The following PTH2R variants were observed in gnomAD, a reference collection of about 807,000 sequenced individuals.
PTH2R encodes the protein PTH2 receptor.
Under a neutral mutation model 60.3 loss-of-function variants are expected in PTH2R, and 59 were observed. The observed-to-expected ratio is 0.98, with a 90% CI of 0.79 to 1.22. The LOEUF (loss-of-function observed/expected upper bound fraction) is 1.22, where lower values mean the gene tolerates loss of function less well. Ranked by LOEUF, PTH2R falls within the 50% of genes most tolerant of loss-of-function variation. The pLI, the probability that PTH2R is intolerant of heterozygous loss-of-function variation, is 0.00. For missense variants in PTH2R, 749 were observed against 682.6 expected (o/e 1.10, Z -1.08); for synonymous variants, 256 against 243.8 (o/e 1.05, Z -0.47).
At chr2:208,419,740 T>G (rs1701713498) in intron 1 of PTH2R, among the ~76,000 whole-genome samples, 1 of 152,220 alleles carries the variant, frequency 6.6e-6, no homozygotes, top group African/African-American at 2.4e-5. Flanking sequence ...TTTCTACATA[T>G]GGCTAGCCAG....
chr2:208,413,067 C>G (rs569881683), intron 1 of PTH2R, among the ~76,000 whole-genome samples: 2 of 152,050 alleles, frequency 1.3e-5, no homozygotes, highest in Non-Finnish European at 1.5e-5. Context: ...CCACCTCTTT[C>G]TCCATAATTT....
At chr2:208,487,344 A>T (rs1703295738) in intron 10 of PTH2R, among the ~76,000 whole-genome samples, 1 of 152,206 alleles carries the variant, frequency 6.6e-6, no homozygotes, top group Non-Finnish European at 1.5e-5. Context: ...ATTTCCAAGA[A>T]GAAAAACAGA....
At chr2:208,456,232 A>C (rs1254771916) in intron 8 of PTH2R, among the ~76,000 whole-genome samples, 1 of 151,482 alleles carries the variant, frequency 6.6e-6, no homozygotes, top group Non-Finnish European at 1.5e-5. Context: ...ACAGAGGGAG[A>C]CTCTGTCTCA....
At chr2:208,408,765 A>AGAGAGAGAGAGAGAGAGAGAGAGAGAGAG (rs58469801) in intron 1 of PTH2R, among the ~76,000 whole-genome samples, 8 of 150,786 alleles carry the variant, frequency 5.3e-5, no homozygotes, top group East Asian at 1.9e-4. Context: ...AGAGAGAGAG[A>AGAGAGAGAGAGAGAGAGAGAGAGAGAGAG]AATAAATAAT....
chr2:208,456,645 A>G (rs189040904), intron 8 of PTH2R, among the ~76,000 whole-genome samples: 2 of 152,274 alleles, frequency 1.3e-5, no homozygotes, highest in Admixed American at 6.5e-5. Context: ...GCAGAACAAC[A>G]CACCTGTTTT....
intron 10 of PTH2R, among the ~76,000 whole-genome samples, chr2:208,482,414 G>C (rs183945208): frequency 6.6e-6 from 1 of 152,274 alleles, no homozygotes; most frequent in East Asian, 1.9e-4. Context: ...GTGAGGGTGG[G>C]GTAGGTTAGT....
At chr2:208,444,143 C>G (rs1244692493) in intron 6 of PTH2R, among the ~76,000 whole-genome samples, 1 of 152,162 alleles carries the variant, frequency 6.6e-6, no homozygotes, top group Non-Finnish European at 1.5e-5. Flanking sequence ...GATTCTGATT[C>G]TGGGCTGGCA....
chr2:208,439,993 G>A (rs140618791), intron 4 of PTH2R, among the ~76,000 whole-genome samples: 8 of 152,230 alleles, frequency 5.3e-5, no homozygotes, highest in Middle Eastern at 3.4e-3. Context: ...TTAAATAAGC[G>A]CAAATATATG....
chr2:208,437,585 G>C lies in PTH2R; in HGVS notation c.227G>C (p.Gly76Ala), dbSNP rs1367714143. Residue 76 changes from glycine to alanine, a missense_variant, in exon 3 of 13, where the codon GGA becomes GCA. Coordinates refer to ENST00000272847, the MANE Select transcript of PTH2R (RefSeq NM_005048.4). Reference sequence around the variant, plus strand: ...GATGGACTCATTTGTTGGCCCAGAGGAACAGTGGGGAAAATATCGGCTGTT... The same window carrying C: ...GATGGACTCATTTGTTGGCCCAGAGCAACAGTGGGGAAAATATCGGCTGTT... Reference protein sequence around the residue: ...EWDGLICWPRGTVGKISAVPC... With the variant: ...EWDGLICWPRATVGKISAVPC... 2.5e-6 allele frequency: 4 copies of C among 1,613,686 alleles called. No individual in the cohort carries two copies. The Admixed American group carries it at 5.0e-5, about 20-fold the overall frequency.
intron 9 of PTH2R, among the ~76,000 whole-genome samples, chr2:208,479,984 C>G (rs1191309822): frequency 1.3e-5 from 2 of 152,150 alleles, no homozygotes; most frequent in Non-Finnish European, 2.9e-5. Context: ...TTTGATTTTC[C>G]CCCATGTGTG....
At chr2:208,463,899 A>G (rs1418390614) in intron 9 of PTH2R, among the ~76,000 whole-genome samples, 4 of 152,232 alleles carry the variant, frequency 2.6e-5, no homozygotes, top group Non-Finnish European at 4.4e-5. Context: ...CTGTTTGTGC[A>G]TAGGCACTTC....
chr2:208,458,191 G>A (rs1702553634), intron 8 of PTH2R, among the ~76,000 whole-genome samples: 1 of 152,102 alleles, frequency 6.6e-6, no homozygotes, highest in Non-Finnish European at 1.5e-5. Context: ...ATTGATGTCA[G>A]TTCAATCCAA....
intron 1 of PTH2R, among the ~76,000 whole-genome samples, chr2:208,372,070 C>T (rs1316041652): frequency 5.3e-5 from 8 of 151,894 alleles, no homozygotes; most frequent in African/African-American, 9.7e-5. Flanking sequence ...TACAGGTGCC[C>T]GCCACTACTC....
intron 12 of PTH2R, among the ~76,000 whole-genome samples, chr2:208,491,054 G>A (rs1416293747): frequency 2.6e-5 from 4 of 152,144 alleles, no homozygotes; most frequent in Admixed American, 1.3e-4. Flanking sequence ...ATATTTTGAT[G>A]TTTTTTGAAC....
In PTH2R at chr2:208,465,606, G is replaced by A. The variant is rs376818686; in HGVS notation, c.981+5645G>A. Reference sequence around the variant, plus strand: ...TTTAGTAGAGATGGGATTTCGCCACGTTGGCCAGGCTGGACTCAAACTCCC... The same window carrying A: ...TTTAGTAGAGATGGGATTTCGCCACATTGGCCAGGCTGGACTCAAACTCCC... On this transcript the variant is annotated intron_variant, in intron 9 of 12. Coordinates refer to ENST00000272847, the MANE Select transcript of PTH2R (RefSeq NM_005048.4). Among the ~76,000 whole-genome samples the A allele has an allele frequency of 4.0e-5, 6 of 151,606 alleles. No individual in the cohort carries two copies. The South Asian group carries it at 6.2e-4, about 16-fold the overall frequency.
In PTH2R at chr2:208,407,059, G is replaced by A. The variant is rs758152370; in HGVS notation, c.16G>A (p.Ala6Thr). Residue 6 changes from alanine to threonine, a missense_variant, in exon 1 of 13, where the codon GCG becomes ACG. By Grantham distance (58) the Ala-to-Thr change is moderately conservative. Coordinates refer to ENST00000272847, the MANE Select transcript of PTH2R (RefSeq NM_005048.4). MAGLG[A>T]SLHVWGWLML... Reference sequence around the variant, plus strand: ...CGTTCCGGGCATGGCCGGGCTGGGGGCGTCGCTCCACGTCTGGGGTTGGCT... The same window carrying A: ...CGTTCCGGGCATGGCCGGGCTGGGGACGTCGCTCCACGTCTGGGGTTGGCT... 7.2e-7 allele frequency: 1 copy of A among 1,395,582 alleles called. No individual in the cohort carries two copies. The highest frequency in any genetic ancestry group is 1.9e-5 in the South Asian group (1 of 53,474). 86.4% of individuals were successfully genotyped at this position (1,395,582 alleles called of 1,614,324 possible). A position where few individuals can be genotyped will look rare whatever the true frequency, so the allele number is the denominator to read the frequency against.
intron 8 of PTH2R, among the ~76,000 whole-genome samples, chr2:208,453,842 T>C (rs148856184): frequency 1.7e-4 from 26 of 152,368 alleles, no homozygotes; most frequent in Non-Finnish European, 3.7e-4. Flanking sequence ...GAGGCCATTA[T>C]GAAAGGGCTT....
chr2:208,492,848 G>A (rs1171168006), intron 12 of PTH2R, among the ~76,000 whole-genome samples: 2 of 152,242 alleles, frequency 1.3e-5, no homozygotes, highest in African/African-American at 2.4e-5. Context: ...CCATGCTTGA[G>A]TTTGGGCAGG....
intron 1 of PTH2R, among the ~76,000 whole-genome samples, chr2:208,365,497 T>C (rs571582467): frequency 6.6e-6 from 1 of 152,316 alleles, no homozygotes; most frequent in African/African-American, 2.4e-5. Flanking sequence ...GATTTTCATA[T>C]GTTGAACCAT....
Sources: gnomAD v4.1 joint callset for allele counts (sites outside exome capture counted in the v4.1 genomes callset) on GRCh38, gnomAD v4.1.1 for gene constraint, MANE v1.5 for transcripts, NCBI Gene and HGNC (gene_info 2026-07-23, HGNC 2026-07-21) for gene names.